Variants in ARHGAP15 observed in about 807,000 individuals in gnomAD.
The protein encoded by ARHGAP15 is Rho GTPase activating protein 15.
Under a neutral mutation model 63.7 loss-of-function variants are expected in ARHGAP15, and 51 were observed. The ratio of observed to expected loss-of-function variants is 0.80; its 90% CI spans 0.64 to 1.01. The LOEUF (loss-of-function observed/expected upper bound fraction) is 1.01, where lower values mean the gene tolerates loss of function less well. ARHGAP15 is among the 50% of genes least tolerant of loss of function. The pLI is 0.00. For synonymous variants in ARHGAP15, 191 were observed against 193.8 expected, an observed-to-expected ratio of 0.99 and a Z score of 0.12; for missense variants, 560 against 564.6, an observed-to-expected ratio of 0.99 and a Z score of 0.08.
chr2:143,219,499 A>T (rs1692900685), intron 4 of ARHGAP15, among the ~76,000 whole-genome samples: 1 of 152,220 alleles, frequency 6.6e-6, no homozygotes, highest in Non-Finnish European at 1.5e-5. Flanking sequence ...AACTCCTTTC[A>T]TTCCAAACAA....
At chr2:143,743,810 A>G (rs1351238472) in intron 13 of ARHGAP15, among the ~76,000 whole-genome samples, 2 of 152,106 alleles carry the variant, frequency 1.3e-5, no homozygotes, top group Non-Finnish European at 2.9e-5. Flanking sequence ...AAACACGGAA[A>G]GTTGGAGTAA....
intron 13 of ARHGAP15, chr2:143,766,839 A>AT (rs1298655616): frequency 1.3e-5 from 2 of 152,172 alleles, no homozygotes; most frequent in Admixed American, 1.3e-4. Context: ...TCTGGAGAAT[A>AT]TCCCCCGAAG....
intron 13 of ARHGAP15, among the ~76,000 whole-genome samples, chr2:143,759,664 C>T (rs1411890379): frequency 1.3e-5 from 2 of 152,224 alleles, no homozygotes; most frequent in East Asian, 1.9e-4. Context: ...TTCCTCACCA[C>T]CAGGGTATTG....
intron 12 of ARHGAP15, among the ~76,000 whole-genome samples, chr2:143,652,426 C>T (rs1681217182): frequency 6.6e-6 from 1 of 152,034 alleles, no homozygotes; most frequent in Non-Finnish European, 1.5e-5. Context: ...TTTGCATTTC[C>T]ACATTAACTT....
chr2:143,311,385 T>C (rs1558883629), intron 6 of ARHGAP15, among the ~76,000 whole-genome samples: 1 of 151,812 alleles, frequency 6.6e-6, no homozygotes, highest in South Asian at 2.1e-4. Context: ...ATTTGAAAAA[T>C]TTCATTCAGT....
intron 11 of ARHGAP15, among the ~76,000 whole-genome samples, chr2:143,581,305 T>A (rs1020365561): frequency 6.6e-6 from 1 of 152,176 alleles, no homozygotes; most frequent in Non-Finnish European, 1.5e-5. Context: ...ACAAGCAACT[T>A]GCTGTGCCAG....
rs543268128 is a variant in ARHGAP15 at position 143,380,239 on chromosome 2, G to A, written c.475-55362G>A. ...AATAATGTAGTATAGTAGGAAGAAC[G>A]TTACTCTGTGGTTTCCATTCCTGGC... is the stretch of plus-strand genomic sequence containing the variant. On this transcript the variant is annotated intron_variant, in intron 6 of 13. Transcript: ENST00000295095. 6.6e-5 allele frequency among the ~76,000 whole-genome samples: 10 copies of A among 152,192 alleles called. No individual in the cohort carries two copies. In the Middle Eastern group the frequency reaches 0.014, roughly 207 times the overall value.
intron 6 of ARHGAP15, among the ~76,000 whole-genome samples, chr2:143,367,995 TATTTC>T (rs1383068691): frequency 2.0e-5 from 3 of 152,134 alleles, no homozygotes; most frequent in Non-Finnish European, 4.4e-5. Context: ...AGGCAAAACT[TATTTC>T]AAGAGAGAGA....
intron 6 of ARHGAP15, among the ~76,000 whole-genome samples, chr2:143,313,788 TTTAA>T (rs757982596): frequency 3.3e-5 from 5 of 152,218 alleles, no homozygotes; most frequent in South Asian, 2.1e-4. Context: ...TTGTCGTTTC[TTTAA>T]TTAACCTTGA....
intron 6 of ARHGAP15, among the ~76,000 whole-genome samples, chr2:143,309,394 A>G (rs974426205): frequency 2.0e-5 from 3 of 152,126 alleles, no homozygotes; most frequent in South Asian, 2.1e-4. Flanking sequence ...GTTCAAATCC[A>G]TCTACACCAA....
chr2:143,758,057 C>G (rs1465003402), intron 13 of ARHGAP15, among the ~76,000 whole-genome samples: 1 of 151,834 alleles, frequency 6.6e-6, no homozygotes, highest in Non-Finnish European at 1.5e-5. Context: ...GAAGAAGCAA[C>G]CTAAAAACCA....
chr2:143,640,185 A>G (rs1182495828), intron 12 of ARHGAP15, among the ~76,000 whole-genome samples: 1 of 152,064 alleles, frequency 6.6e-6, no homozygotes, highest in Non-Finnish European at 1.5e-5. Context: ...TCCGGCACTA[A>G]ATGAATTTTT....
At chr2:143,382,763 G>A (rs557025392) in intron 6 of ARHGAP15, among the ~76,000 whole-genome samples, 1 of 152,154 alleles carries the variant, frequency 6.6e-6, no homozygotes, top group African/African-American at 2.4e-5. Flanking sequence ...AAGTGCCATC[G>A]CCGGCTGCTG....
At chr2:143,157,520 T>C (rs539067336) in intron 2 of ARHGAP15, among the ~76,000 whole-genome samples, 1 of 152,012 alleles carries the variant, frequency 6.6e-6, no homozygotes, top group Non-Finnish European at 1.5e-5. Flanking sequence ...GTTTCCGCAT[T>C]CTTAGCCTGG....
At chr2:143,594,081 T>C (rs1697419935) in intron 11 of ARHGAP15, among the ~76,000 whole-genome samples, 1 of 152,160 alleles carries the variant, frequency 6.6e-6, no homozygotes, top group South Asian at 2.1e-4. Context: ...TGTGTGCATG[T>C]GTGTGCGTGT....
At chr2:143,495,370 A>G (rs889669636) in intron 9 of ARHGAP15, among the ~76,000 whole-genome samples, 3 of 152,188 alleles carry the variant, frequency 2.0e-5, no homozygotes, top group Admixed American at 6.5e-5. Context: ...ACTTCAAGAA[A>G]CATACACTGA....
chr2:143,356,936 C>T (rs1237590895), intron 6 of ARHGAP15, among the ~76,000 whole-genome samples: 4 of 152,176 alleles, frequency 2.6e-5, no homozygotes, highest in Non-Finnish European at 4.4e-5. Flanking sequence ...TTTATTAGCA[C>T]GCTGGTGCAG....
At chr2:143,345,672 A>G (rs1685238774) in intron 6 of ARHGAP15, among the ~76,000 whole-genome samples, 1 of 152,128 alleles carries the variant, frequency 6.6e-6, no homozygotes, top group Non-Finnish European at 1.5e-5. Flanking sequence ...GGTACAGAGT[A>G]GTGCAAAAAT....
intron 8 of ARHGAP15, among the ~76,000 whole-genome samples, chr2:143,471,095 A>T (rs1414144173): frequency 6.7e-6 from 1 of 150,072 alleles, no homozygotes. Context: ...TGTATATGAT[A>T]CACATGTGTA....
Sources: allele counts gnomAD v4.1 joint callset (sites outside exome capture counted in the v4.1 genomes callset), GRCh38; gene constraint gnomAD v4.1.1; transcripts MANE v1.5; gene names NCBI Gene and HGNC (gene_info 2026-07-23, HGNC 2026-07-21).